Variants in CASS4 observed in about 807,000 individuals in gnomAD.
The protein encoded by CASS4 is Cas scaffold protein family member 4.
In CASS4, 22 loss-of-function variants were observed where a neutral mutation model predicts 54.2. That is an observed-to-expected ratio of 0.41 (90% CI 0.29 to 0.58). The LOEUF (loss-of-function observed/expected upper bound fraction) is 0.58, where lower values mean the gene tolerates loss of function less well. CASS4 is among the 20% of genes least tolerant of loss of function. The pLI is 0.36. For synonymous variants in CASS4, 409 were observed against 391.5 expected (o/e 1.04, Z -0.53); for missense variants, 854 against 986.7 (o/e 0.87, Z 1.80).
rs141611114 is a variant in CASS4, at chr20:56,454,877, T to C, written c.1953+1748T>C. On this transcript the variant is annotated intron_variant, in intron 5 of 5. Coordinates refer to ENST00000679887, the MANE Select transcript of CASS4 (RefSeq NM_020356.4). ...TTCGTTTTTGTGATTCTTTGTCCTT[T>C]ATTTTAGCAAGAGAGTCCTGGAGAT... 1.6e-3 allele frequency among the ~76,000 whole-genome samples: 246 copies of C among 152,344 alleles called. 1 individual carries two copies. Among genetic ancestry groups the C allele is most frequent in the African/African-American group, 5.5e-3 (229 of 41,580 alleles).
intron 5 of CASS4, among the ~76,000 whole-genome samples, chr20:56,456,679 TTTTTA>T (rs1003125065): frequency 1.3e-5 from 2 of 150,980 alleles, no homozygotes; most frequent in African/African-American, 4.9e-5. Context: ...CCAGCTCCCT[TTTTTA>T]TTTTATTTTT....
In CASS4 at chr20:56,412,494, G is replaced by A. The variant is rs1046975336; in HGVS notation, c.36G>A (p.Lys12=). 6.2e-7 allele frequency: 1 copy of A among 1,612,166 alleles called. No homozygotes were observed. Among genetic ancestry groups the A allele is most frequent in the Non-Finnish European group, 8.5e-7 (1 of 1,179,092 alleles). ...CAGGCATCATGGACTGTGCGCCCAA[G>A]GTGAGTGATGTGGGGCTGTTTGAAT... is the stretch of plus-strand genomic sequence containing the variant. The part of the protein sequence containing the change: ...KGTGIMDCAP[K]ALLARALYDN... Residue 12 remains lysine (K), a splice_region_variant and synonymous_variant, in exon 1 of 6, where the codon AAG becomes AAA. Coordinates refer to ENST00000679887, the MANE Select transcript of CASS4 (RefSeq NM_020356.4). This position sits in a 1 kb window ranked among gnomAD's most constrained non-coding sequence, Gnocchi z 4.2.
In CASS4 at chr20:56,458,729, C is replaced by T; in HGVS notation, c.2343C>T (p.Phe781=). The T allele has an allele frequency of 6.2e-7, 1 of 1,605,970 alleles. No homozygotes were observed. Among genetic ancestry groups the T allele is most frequent in the South Asian group, 1.1e-5 (1 of 90,466 alleles). The stretch of plus-strand genomic sequence containing the variant: ...AGCTGGAGCAACACACGCGGCAGTT[C>T]AGAGGGACACTGGGATGAGGACTGT... ...AEKLEQHTRQ[F]RGTLG Residue 781 remains phenylalanine (F), a synonymous_variant, in exon 6 of 6, where the codon TTC becomes TTT. Transcript: ENST00000679887.
chr20:56,435,371 A>G (rs979113078), intron 1 of CASS4, among the ~76,000 whole-genome samples: 1 of 152,274 alleles, frequency 6.6e-6, no homozygotes, highest in Non-Finnish European at 1.5e-5. Flanking sequence ...TAGAAAAATA[A>G]AAAACAACTG....
chr20:56,440,560 C>G (rs796139788), intron 2 of CASS4, among the ~76,000 whole-genome samples: 2 of 152,168 alleles, frequency 1.3e-5, no homozygotes, highest in South Asian at 4.1e-4. Context: ...TGACAGGCTC[C>G]TACAAGGTAC....
chr20:56,450,780 T>C, intron 4 of CASS4, 101 bp downstream of exon 4: 1 of 1,112,886 alleles, frequency 9.0e-7, no homozygotes, highest in Non-Finnish European at 1.3e-6. Flanking sequence ...AAGCCTGTAA[T>C]CCCAGCACTT....
chr20:56,450,187 A>G (rs1980927313), intron 3 of CASS4, among the ~76,000 whole-genome samples: 1 of 152,068 alleles, frequency 6.6e-6, no homozygotes, highest in Non-Finnish European at 1.5e-5. Context: ...ATGCGCCACC[A>G]TACCAGGCTA....
Position 56,452,612 on chromosome 20 carries a change from T to C in CASS4, c.1436T>C (p.Ile479Thr). 6.2e-7 allele frequency: 1 copy of C among 1,614,122 alleles called. No individual in the cohort carries two copies. Among genetic ancestry groups the C allele is most frequent in the South Asian group, 1.1e-5 (1 of 91,072 alleles). The change falls in exon 5 of 6, where the codon ATC becomes ACC. Residue 479 changes from isoleucine (I) to threonine (T), a missense_variant. Physicochemically the swap from Ile to Thr is moderately conservative, Grantham distance 89 (BLOSUM62 -1). Coordinates refer to ENST00000679887, the MANE Select transcript of CASS4 (RefSeq NM_020356.4). ...TATCTGGAGGCCAACATTGATGCAA[T>C]CCACAGGTCCACTGATCACATAGAA... ...RDYLEANIDA[I>T]HRSTDHIEES... is the part of the protein sequence containing the mutation.
Position 56,442,726 on chromosome 20 carries a change from C to T in CASS4, c.460-3174C>T, listed in dbSNP as rs980885784. 2.5e-4 allele frequency among the ~76,000 whole-genome samples: 38 copies of T among 151,812 alleles called. 1 individual carries two copies. Among genetic ancestry groups the T allele is most frequent in the Admixed American group, 2.2e-3 (34 of 15,260 alleles). On this transcript the variant is annotated intron_variant, in intron 2 of 5. Coordinates refer to ENST00000679887, the MANE Select transcript of CASS4 (RefSeq NM_020356.4). The stretch of plus-strand genomic sequence containing the variant: ...TTTCAGTTTAAATTCAGAAGGGACT[C>T]TTGTATTTCAAGAGAAAAGGGTCAG...
chr20:56,428,933 A>C (rs116102287), intron 1 of CASS4, among the ~76,000 whole-genome samples: 112 of 123,892 alleles, frequency 9.0e-4, no homozygotes, highest in Middle Eastern at 4.1e-3. Flanking sequence ...CCTGCCCCCC[A>C]GCCCTGACAT....
intron 5 of CASS4, among the ~76,000 whole-genome samples, chr20:56,456,711 C>T (rs1012038752): frequency 6.6e-6 from 1 of 150,884 alleles, no homozygotes; most frequent in African/African-American, 2.4e-5. Flanking sequence ...CAGTGTTTTG[C>T]TCTGTTGCTG....
chr20:56,434,436 C>G (rs1303334301), intron 1 of CASS4, among the ~76,000 whole-genome samples: 3 of 151,806 alleles, frequency 2.0e-5, no homozygotes, highest in African/African-American at 7.3e-5. Context: ...TCACAATTTA[C>G]TTATTTATTT....
chr20:56,452,984 A>C lies in CASS4; in HGVS notation c.1808A>C (p.Asn603Thr). 6.2e-7 allele frequency: 1 copy of C among 1,614,094 alleles called. No individual in the cohort carries two copies. The highest frequency in any genetic ancestry group is 8.5e-7 in the Non-Finnish European group (1 of 1,180,004). Residue 603 changes from asparagine (N) to threonine (T), a missense_variant, in exon 5 of 6, where the codon AAT becomes ACT. Coordinates refer to ENST00000679887, the MANE Select transcript of CASS4 (RefSeq NM_020356.4). ...EKEETVQLTP[N>T]AEFKCEKYIQ... The stretch of plus-strand genomic sequence containing the variant: ...GAAGAGACTGTGCAGTTGACCCCAA[A>C]TGCAGAATTTAAGTGTGAAAAATAC...
chr20:56,446,006 G>A lies in CASS4; in HGVS notation c.561+5G>A, dbSNP rs576739832. The stretch of plus-strand genomic sequence containing the variant: ...CGGGGCCCCGTGGTCCTGAAGGTGA[G>A]CCTTGTTCAGGGGCCCCTCATCACC... On this transcript the variant is annotated splice_donor_5th_base_variant and intron_variant, in intron 3 of 5. Coordinates refer to ENST00000679887, the MANE Select transcript of CASS4 (RefSeq NM_020356.4). 3.1e-6 allele frequency: 5 copies of A among 1,604,650 alleles called. No homozygotes were observed. In the East Asian group the frequency reaches 8.9e-5, roughly 29 times the overall value.
In CASS4 at chr20:56,459,490, C is replaced by A; in HGVS notation, c.*743C>A. On this transcript the variant is annotated 3_prime_UTR_variant, in exon 6 of 6. Transcript: ENST00000679887. ...TTGGAGTTGTACCTGATTTTATTAC[C>A]AGTTTTCATCTGAATCCACTGGGGA... is the stretch of plus-strand genomic sequence containing the variant. 3.7e-6 allele frequency: 1 copy of A among 267,760 alleles called. No homozygotes were observed. The allele number at this position is 267,760 out of a possible 1,614,324, so 16.6% of individuals were successfully genotyped here. A position where few individuals can be genotyped will look rare whatever the true frequency, so the allele number is the denominator to read the frequency against.
chr20:56,432,315 G>GA (rs1002316847), intron 1 of CASS4, among the ~76,000 whole-genome samples: 11 of 145,498 alleles, frequency 7.6e-5, no homozygotes, highest in South Asian at 2.2e-4. Flanking sequence ...TATTTAACTG[G>GA]AAAAAAAATC....
At chr20:56,426,025 A>G (rs535399670) in intron 1 of CASS4, among the ~76,000 whole-genome samples, 4 of 152,330 alleles carry the variant, frequency 2.6e-5, no homozygotes, top group Admixed American at 2.0e-4. Context: ...GTACTCCATT[A>G]TACAAATGTC....
At position 56,413,961 on chromosome 20, in the gene CASS4, ATTG is replaced by A. The variant is rs201656713; in HGVS notation, c.36+1476_36+1478del. Among the ~76,000 whole-genome samples, 490 of 152,204 alleles carry A rather than the reference ATTG, an allele frequency of 3.2e-3. 5 individuals carry two copies. Among genetic ancestry groups the A allele is most frequent in the African/African-American group, 0.011 (462 of 41,548 alleles). On this transcript the variant is annotated intron_variant, in intron 1 of 5. Coordinates refer to ENST00000679887, the MANE Select transcript of CASS4 (RefSeq NM_020356.4). ...AGACACTGGAACACACTTCATTTTT[ATTG>A]TTGTTGTTAAACTCTTTGAAAATAA...
At chr20:56,449,684 A>T (rs1010769226) in intron 3 of CASS4, among the ~76,000 whole-genome samples, 8 of 151,792 alleles carry the variant, frequency 5.3e-5, no homozygotes, top group African/African-American at 1.9e-4. Flanking sequence ...AAAATAAAAT[A>T]AAAAAGATTT....
Sources: allele counts gnomAD v4.1 joint callset (sites outside exome capture counted in the v4.1 genomes callset), GRCh38; gene constraint gnomAD v4.1.1; non-coding constraint Gnocchi (gnomAD v3.1); transcripts MANE v1.5; gene names NCBI Gene and HGNC (gene_info 2026-07-23, HGNC 2026-07-21).